The following TM4SF19 variants were observed in gnomAD, a reference collection of about 807,000 sequenced individuals.
TM4SF19 encodes the protein transmembrane 4 L six family member 19.
A neutral mutation model predicts 21.8 loss-of-function variants in TM4SF19; 17 were observed. The ratio of observed to expected loss-of-function variants is 0.78; its 90% CI spans 0.53 to 1.17. The LOEUF is 1.17. Among genes scored for constraint, TM4SF19 ranks in the 50% most tolerant of loss-of-function variants. TM4SF19 has a pLI of 0.00. For missense variants in TM4SF19, 216 were observed against 252.1 expected (o/e 0.86, Z 0.97); for synonymous variants, 107 against 106.7 (o/e 1.00, Z -0.02).
intron 1 of TM4SF19, among the ~76,000 whole-genome samples, chr3:196,330,646 A>AT (rs757942410): frequency 6.7e-4 from 102 of 152,348 alleles, no homozygotes; most frequent in Admixed American, 1.2e-3. Flanking sequence ...ACGAAATTCT[A>AT]GAAAAGGCAA....
At chr3:196,334,437 G>A (rs1446218859) in intron 1 of TM4SF19, among the ~76,000 whole-genome samples, 8 of 150,968 alleles carry the variant, frequency 5.3e-5, no homozygotes, top group Non-Finnish European at 1.0e-4. Context: ...CTCAGAAACA[G>A]ACCCGGTCCA....
rs1727212634 is a variant in TM4SF19, at chr3:196,324,603, G to C, written c.280-163C>G. 9 of 675,232 alleles carry C rather than the reference G, an allele frequency of 1.3e-5. No individual in the cohort carries two copies. The South Asian group carries it at 1.8e-4, about 13-fold the overall frequency. 41.8% of individuals were successfully genotyped at this position (675,232 alleles called of 1,614,324 possible). On this transcript the variant is annotated intron_variant, in intron 3 of 4. Coordinates refer to ENST00000273695, the MANE Select transcript of TM4SF19 (RefSeq NM_138461.4). ...TCTCAGTGTTCTTCCGTCCTGTCAT[G>C]GGGGAGAATTCTGTCCATGGCACCC...
Position 196,323,632 on chromosome 3 carries a change from A to C in TM4SF19, c.*185T>G, listed in dbSNP as rs1727154933. 2 of 1,154,810 alleles carry C rather than the reference A, an allele frequency of 1.7e-6. No homozygotes were observed. The highest frequency in any genetic ancestry group is 2.6e-5 in the East Asian group (1 of 38,816). The allele number at this position is 1,154,810 out of a possible 1,614,324, so 71.5% of individuals were successfully genotyped here. ...TTATCCTATCCATGGATCACCTGGA[A>C]GTTTACAATGTGATTTAAAATGCAT... On this transcript the variant is annotated 3_prime_UTR_variant, in exon 5 of 5. Coordinates refer to ENST00000273695, the MANE Select transcript of TM4SF19 (RefSeq NM_138461.4).
At chr3:196,334,610 T>C (rs573173371) in intron 1 of TM4SF19, among the ~76,000 whole-genome samples, 2 of 152,148 alleles carry the variant, frequency 1.3e-5, no homozygotes, top group Non-Finnish European at 2.9e-5. Context: ...CACACCACCA[T>C]GCCCGGCTAA....
At chr3:196,326,267 G>C (rs534558092) in intron 3 of TM4SF19, among the ~76,000 whole-genome samples, 1 of 152,142 alleles carries the variant, frequency 6.6e-6, no homozygotes, top group Admixed American at 6.5e-5. Flanking sequence ...GAGCCACCGC[G>C]CCTGGCCTAT....
chr3:196,326,836 G>T, intron 3 of TM4SF19, 119 bp downstream of exon 3: 1 of 661,810 alleles, frequency 1.5e-6, no homozygotes, highest in Non-Finnish European at 2.7e-6. Context: ...GTTACTGAGG[G>T]TCACAGTGAG....
chr3:196,334,428 TCAGAAA>T (rs921451802), intron 1 of TM4SF19, among the ~76,000 whole-genome samples: 3 of 151,474 alleles, frequency 2.0e-5, no homozygotes, highest in Non-Finnish European at 4.4e-5. Flanking sequence ...AGGCTGGAGC[TCAGAAA>T]CAGACCCGGT....
In TM4SF19 at chr3:196,327,389, C is replaced by A; in HGVS notation, c.201+1G>T. 1 of 1,613,758 alleles carries A rather than the reference C, an allele frequency of 6.2e-7. No homozygotes were observed. Among genetic ancestry groups the A allele is most frequent in the African/African-American group, 1.3e-5 (1 of 75,044 alleles). On this transcript the variant is annotated splice_donor_variant, in intron 2 of 4. Coordinates refer to ENST00000273695, the MANE Select transcript of TM4SF19 (RefSeq NM_138461.4). LOFTEE classifies it high-confidence loss of function. The stretch of plus-strand genomic sequence containing the variant: ...ACGTTCAGGGAACCCCGGACACTTA[C>A]CATGAGGCCTCCTCCCCAGAGCCCA...
rs369685289 is a variant in TM4SF19 at position 196,324,444 on chromosome 3, C to T, written c.280-4G>A. The T allele has an allele frequency of 3.1e-6, 5 of 1,613,750 alleles. No individual in the cohort carries two copies. Among genetic ancestry groups the T allele is most frequent in the South Asian group, 1.1e-5 (1 of 91,062 alleles). On this transcript the variant is annotated splice_region_variant and splice_polypyrimidine_tract_variant and intron_variant, in intron 3 of 4. Transcript: ENST00000273695. The stretch of plus-strand genomic sequence containing the variant: ...CTGACAACAGAGCAGTAAGCACCTG[C>T]GGAGGGAGGAGAAACACTGAGCTAA...
intron 1 of TM4SF19, among the ~76,000 whole-genome samples, chr3:196,328,171 G>A (rs1410151777): frequency 6.6e-6 from 1 of 152,016 alleles, no homozygotes; most frequent in Non-Finnish European, 1.5e-5. Context: ...ACGGTGGTGG[G>A]TGCCTGTAAT....
At position 196,327,573 on chromosome 3, in the gene TM4SF19, G is replaced by T; in HGVS notation, c.18C>A (p.Cys6Ter). 1 of 1,613,490 alleles carries T rather than the reference G, an allele frequency of 6.2e-7. No homozygotes were observed. Among genetic ancestry groups the T allele is most frequent in the Non-Finnish European group, 8.5e-7 (1 of 1,179,934 alleles). ...AGCAAGTCCGTGAGCTTGCCTGCGT[G>T]CAGGGAGAGGACACCATCCTGGAAC... is the stretch of plus-strand genomic sequence containing the variant. MVSSP[C>*]TQASSRTCSR... is the part of the protein sequence containing the mutation. Residue 6 changes from cysteine to a stop codon, truncating the protein, a stop_gained, in exon 2 of 5, where the codon TGC becomes TGA. Transcript: ENST00000273695. LOFTEE classifies it high-confidence loss of function.
At chr3:196,336,220 C>A (rs1006040346) in intron 1 of TM4SF19, among the ~76,000 whole-genome samples, 3 of 151,926 alleles carry the variant, frequency 2.0e-5, no homozygotes, top group Non-Finnish European at 4.4e-5. Context: ...CTCACTGCTA[C>A]CTCCGCCTCC....
intron 4 of TM4SF19, 89 bp from the exon 5 acceptor site, chr3:196,324,086 G>T (rs750007733): frequency 6.6e-7 from 1 of 1,525,138 alleles, no homozygotes. Flanking sequence ...GGTCTCCCCT[G>T]ACCGGGTCAT....
Position 196,325,718 on chromosome 3 carries a change from TAGGGCA to T in TM4SF19, c.279+1231_279+1236del, listed in dbSNP as rs1465969824. 6.6e-6 allele frequency: 1 copy of T among 152,160 alleles called. No homozygotes were observed. Among genetic ancestry groups the T allele is most frequent in the Non-Finnish European group, 1.5e-5 (1 of 68,032 alleles). The allele number at this position is 152,160 out of a possible 1,614,324, so 9.4% of individuals were successfully genotyped here. A position where few individuals can be genotyped will look rare whatever the true frequency, so the allele number is the denominator to read the frequency against. ...AGGAGTCAAGATGAATCAGTAAGCC[TAGGGCA>T]GTGGTTCCCAAAATGGGGTCCCTGC... On this transcript the variant is annotated intron_variant, in intron 3 of 4. Coordinates refer to ENST00000273695, the MANE Select transcript of TM4SF19 (RefSeq NM_138461.4). The surrounding 1 kb of genome is among the most constrained non-coding windows in gnomAD (Gnocchi z 4.3).
chr3:196,334,528 A>G (rs1388374509), intron 1 of TM4SF19, among the ~76,000 whole-genome samples: 1 of 151,582 alleles, frequency 6.6e-6, no homozygotes, highest in East Asian at 1.9e-4. Context: ...ATCTCAGCTC[A>G]CTGCAACCTC....
chr3:196,332,171 T>A (rs1443337589), intron 1 of TM4SF19, among the ~76,000 whole-genome samples: 1 of 151,346 alleles, frequency 6.6e-6, no homozygotes, highest in Admixed American at 6.6e-5. Context: ...CTCGGGAGGC[T>A]GAGGCAGTAG....
chr3:196,330,637 C>T (rs116011346), intron 1 of TM4SF19, among the ~76,000 whole-genome samples: 217 of 152,142 alleles, frequency 1.4e-3, no homozygotes, highest in African/African-American at 4.7e-3. Flanking sequence ...TCTATATATA[C>T]GAAATTCTAG....
intron 1 of TM4SF19, among the ~76,000 whole-genome samples, chr3:196,336,374 G>C (rs960131291): frequency 3.9e-5 from 6 of 152,162 alleles, no homozygotes; most frequent in African/African-American, 1.2e-4. Context: ...CTGACCTCAG[G>C]TGATTCACCT....
chr3:196,337,964 G>A (rs903849860), intron 1 of TM4SF19, among the ~76,000 whole-genome samples: 3 of 151,968 alleles, frequency 2.0e-5, no homozygotes, highest in Non-Finnish European at 2.9e-5. Flanking sequence ...CCAACTTAAG[G>A]TGTCATGGAA....
Sources: allele counts gnomAD v4.1 joint callset (sites outside exome capture counted in the v4.1 genomes callset), GRCh38; gene constraint gnomAD v4.1.1; non-coding constraint Gnocchi (gnomAD v3.1); transcripts MANE v1.5; gene names NCBI Gene and HGNC (gene_info 2026-07-23, HGNC 2026-07-21).